UPF3A: variants seen among roughly 807,000 people sequenced by gnomAD.
The protein encoded by UPF3A is UPF3A regulator of nonsense mediated mRNA decay, also known as regulator of nonsense transcripts 3A.
UPF3A carries 42 observed loss-of-function variants against 53.5 expected under a neutral mutation model. The ratio of observed to expected loss-of-function variants is 0.78; its 90% CI spans 0.61 to 1.01. The LOEUF (loss-of-function observed/expected upper bound fraction) is 1.01, where lower values mean the gene tolerates loss of function less well. UPF3A is among the 50% of genes least tolerant of loss of function. The pLI, the probability that UPF3A is intolerant of heterozygous loss-of-function variation, is 0.00. For missense variants in UPF3A, 575 were observed against 598.0 expected, an observed-to-expected ratio of 0.96 and a Z score of 0.40; for synonymous variants, 237 against 225.3, an observed-to-expected ratio of 1.05 and a Z score of -0.47.
chr13:114,285,565 CAG>C (rs1199029582), intron 3 of UPF3A: 2 of 152,218 alleles, frequency 1.3e-5, no homozygotes, highest in Non-Finnish European at 2.9e-5. Flanking sequence ...AAAAATGACT[CAG>C]TGGGTTTAGT....
intron 7 of UPF3A, among the ~76,000 whole-genome samples, chr13:114,296,865 A>G (rs1043525546): frequency 3.9e-5 from 6 of 152,204 alleles, no homozygotes; most frequent in Admixed American, 1.3e-4. Flanking sequence ...AGGCACACAG[A>G]ATATTTGTTG....
intron 8 of UPF3A, among the ~76,000 whole-genome samples, chr13:114,300,209 T>G (rs1428669721): frequency 6.6e-6 from 1 of 152,166 alleles, no homozygotes; most frequent in African/African-American, 2.4e-5. Flanking sequence ...GATAAATGCA[T>G]AAAGATAATT....
Position 114,294,276 on chromosome 13 carries a change from G to GGT in UPF3A, c.846+2485_846+2486insTG, listed in dbSNP as rs201789457. On this transcript the variant is annotated intron_variant, in intron 7 of 9. Coordinates refer to ENST00000375299, the MANE Select transcript of UPF3A (RefSeq NM_023011.4). ...CTATTTTTTTGTTTGGTTTTGGTGG[G>GGT]GGGGGGGTTTGAGACAGGGTCTCAA... is the stretch of plus-strand genomic sequence containing the variant. Among the ~76,000 whole-genome samples the GGT allele has an allele frequency of 6.0e-4, 91 of 151,088 alleles. No homozygotes were observed. In the East Asian group the frequency reaches 0.017, roughly 29 times the overall value.
chr13:114,295,885 G>A (rs1172626968), intron 7 of UPF3A, among the ~76,000 whole-genome samples: 1 of 152,150 alleles, frequency 6.6e-6, no homozygotes, highest in Non-Finnish European at 1.5e-5. Context: ...TGTCTTATAT[G>A]CCAATGAGAG....
At chr13:114,299,056 C>G in intron 8 of UPF3A, 56 bp downstream of exon 8, 8 of 1,503,490 alleles carry the variant, frequency 5.3e-6, no homozygotes, top group Non-Finnish European at 7.1e-6. Context: ...GTGACGTAGG[C>G]TTTGTCAGTA....
chr13:114,284,397 G>GTA (rs762648432), intron 3 of UPF3A, among the ~76,000 whole-genome samples: 68 of 149,826 alleles, frequency 4.5e-4, no homozygotes, highest in African/African-American at 1.6e-3. Context: ...GTGTGTGTGT[G>GTA]TAAAATATGT....
Position 114,291,560 on chromosome 13 carries a change from A to G in UPF3A, c.687+16A>G. 1 of 1,608,472 alleles carries G rather than the reference A, an allele frequency of 6.2e-7. No individual in the cohort carries two copies. The highest frequency in any genetic ancestry group is 1.1e-5 in the South Asian group (1 of 88,538). ...AGAAAAGCAGGTAGGTCTGGCCTTT[A>G]CCTGATGAACACCCTCCCTGCTTCT... On this transcript the variant is annotated intron_variant, in intron 6 of 9. Transcript: ENST00000375299.
At position 114,291,563 on chromosome 13, in the gene UPF3A, T is replaced by C. The variant is rs905992509; in HGVS notation, c.687+19T>C. 6.2e-7 allele frequency: 1 copy of C among 1,606,988 alleles called. No individual in the cohort carries two copies. The highest frequency in any genetic ancestry group is 8.5e-7 in the Non-Finnish European group (1 of 1,178,238). ...AAAGCAGGTAGGTCTGGCCTTTACCTGATGAACACCCTCCCTGCTTCTGCC... is the reference window on the plus strand; with the variant it reads ...AAAGCAGGTAGGTCTGGCCTTTACCCGATGAACACCCTCCCTGCTTCTGCC... On this transcript the variant is annotated intron_variant, in intron 6 of 9. Transcript: ENST00000375299.
At chr13:114,293,315 C>T (rs144866939) in intron 7 of UPF3A, among the ~76,000 whole-genome samples, 3,515 of 151,288 alleles carry the variant, frequency 0.023, 142 homozygotes, top group African/African-American at 0.081. Flanking sequence ...ACCCAGGAGG[C>T]GGAGGTTGCA....
Position 114,281,620 on chromosome 13 carries a change from G to T in UPF3A, c.-20G>T. On this transcript the variant is annotated 5_prime_UTR_variant, in exon 1 of 10. Coordinates refer to ENST00000375299, the MANE Select transcript of UPF3A (RefSeq NM_023011.4). ...GGTTTCGTCGGGGGCTGGCGGCTGC[G>T]GCTCGGCGGAGAGTGCGGCATGCGC... is the stretch of plus-strand genomic sequence containing the variant. The T allele has an allele frequency of 6.4e-6, 9 of 1,408,888 alleles. No individual in the cohort carries two copies. Among genetic ancestry groups the T allele is most frequent in the African/African-American group, 1.5e-5 (1 of 66,368 alleles). The allele number at this position is 1,408,888 out of a possible 1,614,324, so 87.3% of individuals were successfully genotyped here.
intron 7 of UPF3A, among the ~76,000 whole-genome samples, chr13:114,292,871 G>A (rs185262528): frequency 3.7e-4 from 56 of 151,868 alleles, no homozygotes; most frequent in Admixed American, 5.9e-4. Flanking sequence ...TCAGGAGTTC[G>A]AGATCACCCT....
chr13:114,289,187 T>C (rs1331829181), intron 5 of UPF3A, among the ~76,000 whole-genome samples: 5 of 152,122 alleles, frequency 3.3e-5, no homozygotes, highest in Admixed American at 2.6e-4. Flanking sequence ...AGGACTTGGC[T>C]GTAGAGTCTT....
At position 114,281,767 on chromosome 13, in the gene UPF3A, A is replaced by G; in HGVS notation, c.128A>G (p.Glu43Gly). ...CGCGACTCGCAGCAGCAGGAGGCTG[A>G]GACGCCGCCAACTTCGTCCTCCGGT... ...FHRDSQQQEAETPPTSSSGCG... is the reference protein window; with the variant it reads ...FHRDSQQQEAGTPPTSSSGCG... The change falls in exon 1 of 10, where the codon GAG becomes GGG. Residue 43 changes from glutamate to glycine, a missense_variant. Glu to Gly is a moderately conservative substitution (Grantham distance 98). Coordinates refer to ENST00000375299, the MANE Select transcript of UPF3A (RefSeq NM_023011.4). 3.2e-6 allele frequency: 5 copies of G among 1,556,738 alleles called. No individual in the cohort carries two copies. The South Asian group carries it at 3.6e-5, about 11-fold the overall frequency.
At chr13:114,298,121 C>T (rs1225844458) in intron 7 of UPF3A, among the ~76,000 whole-genome samples, 1 of 152,132 alleles carries the variant, frequency 6.6e-6, no homozygotes, top group Non-Finnish European at 1.5e-5. Context: ...CCCATAATCC[C>T]AGCACTTTGG....
At chr13:114,292,053 G>C (rs1312984399) in intron 7 of UPF3A, among the ~76,000 whole-genome samples, 1 of 151,320 alleles carries the variant, frequency 6.6e-6, no homozygotes. Flanking sequence ...CCCCACAGGA[G>C]CCCCACGCTG....
rs746747542 is a variant in UPF3A at position 114,301,717 on chromosome 13, G to A, written c.1008-14G>A. Reference sequence around the variant, plus strand: ...GGTTTACTGCAGTTGCTGATCATTTGTGTTGAATCATAGGTCACACAGCGG... The same window carrying A: ...GGTTTACTGCAGTTGCTGATCATTTATGTTGAATCATAGGTCACACAGCGG... On this transcript the variant is annotated splice_polypyrimidine_tract_variant and intron_variant, in intron 8 of 9. Transcript: ENST00000375299. 1.7e-5 allele frequency: 27 copies of A among 1,600,212 alleles called. No individual in the cohort carries two copies. Among genetic ancestry groups the A allele is most frequent in the Non-Finnish European group, 2.3e-5 (27 of 1,170,404 alleles).
At chr13:114,301,237 A>G (rs2086575393) in intron 8 of UPF3A, among the ~76,000 whole-genome samples, 1 of 152,084 alleles carries the variant, frequency 6.6e-6, no homozygotes, top group Non-Finnish European at 1.5e-5. Context: ...CAAGATGGGC[A>G]TATCATAAGG....
chr13:114,282,440 G>C (rs2084189008), intron 2 of UPF3A: 1 of 985,290 alleles, frequency 1.0e-6, no homozygotes, highest in Non-Finnish European at 1.2e-6. Context: ...GTCCGCGGAC[G>C]GGGCGCTGCG....
chr13:114,301,411 T>C (rs11842322), intron 8 of UPF3A, among the ~76,000 whole-genome samples: 13,155 of 149,632 alleles, frequency 0.088, 659 homozygotes, highest in Middle Eastern at 0.14. Flanking sequence ...TTCAGTGAGC[T>C]GAGATCCCGC....
Sources: allele counts gnomAD v4.1 joint callset (sites outside exome capture counted in the v4.1 genomes callset), GRCh38; gene constraint gnomAD v4.1.1; transcripts MANE v1.5; gene names NCBI Gene and HGNC (gene_info 2026-07-23, HGNC 2026-07-21).